Variants in ME3 observed in about 807,000 individuals in gnomAD.
ME3 encodes the protein NADP-dependent malic enzyme, mitochondrial.
ME3 carries 48 observed loss-of-function variants against 68.9 expected under a neutral mutation model. The observed-to-expected ratio is 0.70, with a 90% CI of 0.55 to 0.89. ME3 has a LOEUF of 0.89. Ranked by LOEUF, ME3 falls within the 40% of genes least tolerant of loss-of-function variation. The probability of loss-of-function intolerance (pLI) is 0.00; values close to 1 mark genes in which losing one functional copy is unlikely to be tolerated. For missense variants in ME3, 675 were observed against 797.4 expected, an observed-to-expected ratio of 0.85 and a Z score of 1.85; for synonymous variants, 320 against 318.8, an observed-to-expected ratio of 1.00 and a Z score of -0.04.
chr11:86,511,430 G>T (rs956280288), intron 4 of ME3, among the ~76,000 whole-genome samples: 3 of 152,038 alleles, frequency 2.0e-5, no homozygotes, highest in Non-Finnish European at 4.4e-5. Context: ...CTTTGAAACC[G>T]CCTTTGCAAA....
intron 2 of ME3, among the ~76,000 whole-genome samples, chr11:86,633,748 A>G (rs571840252): frequency 6.4e-4 from 98 of 152,336 alleles, no homozygotes; most frequent in African/African-American, 2.3e-3. Flanking sequence ...GAGTCTGTCC[A>G]TCAGATGCAA....
At chr11:86,521,662 A>G (rs1296121686) in intron 4 of ME3, among the ~76,000 whole-genome samples, 1 of 152,132 alleles carries the variant, frequency 6.6e-6, no homozygotes, top group Non-Finnish European at 1.5e-5. Flanking sequence ...GCAACCACAT[A>G]CTTTAGTTTC....
chr11:86,617,050 T>TTTG (rs1943014630), intron 2 of ME3, among the ~76,000 whole-genome samples: 1 of 53,632 alleles, frequency 1.9e-5, no homozygotes, highest in Non-Finnish European at 3.9e-5. Context: ...TAGTAGTTTT[T>TTTG]TTTTTTTTTT....
chr11:86,625,595 G>C (rs1277901800), intron 2 of ME3, among the ~76,000 whole-genome samples: 1 of 152,132 alleles, frequency 6.6e-6, no homozygotes, highest in African/African-American at 2.4e-5. Context: ...ATTCAACCAT[G>C]CAATAAATAT....
chr11:86,612,261 CA>C (rs2135202667), intron 2 of ME3, among the ~76,000 whole-genome samples: 1 of 152,348 alleles, frequency 6.6e-6, no homozygotes, highest in South Asian at 2.1e-4. Context: ...TTTATAGCCA[CA>C]TAGTATTCCA....
intron 2 of ME3, among the ~76,000 whole-genome samples, chr11:86,564,002 T>A (rs1188534201): frequency 6.6e-6 from 1 of 152,232 alleles, no homozygotes; most frequent in Non-Finnish European, 1.5e-5. Flanking sequence ...GGTAGCTTAA[T>A]AGGAATAGCA....
At chr11:86,653,517 G>A (rs1192350620) in intron 2 of ME3, among the ~76,000 whole-genome samples, 2 of 152,064 alleles carry the variant, frequency 1.3e-5, no homozygotes, top group Non-Finnish European at 2.9e-5. Flanking sequence ...ACAAAATGAA[G>A]GCAGAAATAA....
chr11:86,502,336 G>A (rs1952780738), intron 5 of ME3, among the ~76,000 whole-genome samples: 2 of 152,100 alleles, frequency 1.3e-5, no homozygotes, highest in African/African-American at 4.8e-5. Flanking sequence ...TCCCTTCCTT[G>A]TATTATAGTT....
At chr11:86,654,310 C>T (rs1284960183) in intron 2 of ME3, among the ~76,000 whole-genome samples, 1 of 152,180 alleles carries the variant, frequency 6.6e-6, no homozygotes, top group African/African-American at 2.4e-5. Context: ...GAATTTTAGA[C>T]CAATATCTTT....
chr11:86,612,917 G>A (rs1231486899), intron 2 of ME3, among the ~76,000 whole-genome samples: 1 of 152,126 alleles, frequency 6.6e-6, no homozygotes, highest in Non-Finnish European at 1.5e-5. Context: ...AGTTTAATTA[G>A]ATCCCATTTG....
intron 6 of ME3, among the ~76,000 whole-genome samples, chr11:86,493,506 C>T (rs79775570): frequency 0.049 from 7,480 of 152,310 alleles, 207 homozygotes; most frequent in South Asian, 0.096. Flanking sequence ...AGCCTCGTTT[C>T]CCATGTAAAA....
chr11:86,654,548 C>T (rs548876541), intron 2 of ME3, among the ~76,000 whole-genome samples: 19 of 152,186 alleles, frequency 1.2e-4, no homozygotes, highest in African/African-American at 4.1e-4. Context: ...ATTCAACAAC[C>T]CTTCATGCTG....
At chr11:86,660,931 G>C (rs1946234844) in intron 2 of ME3, among the ~76,000 whole-genome samples, 1 of 152,164 alleles carries the variant, frequency 6.6e-6, no homozygotes, top group Admixed American at 6.5e-5. Context: ...TGATCTAAAA[G>C]AGGGTCAGGT....
At chr11:86,441,813 G>A (rs577304137) in intron 14 of ME3, among the ~76,000 whole-genome samples, 102 of 151,688 alleles carry the variant, frequency 6.7e-4, no homozygotes, top group African/African-American at 2.5e-3. Context: ...AGAGGCAAAT[G>A]TGTCCAGAAC....
chr11:86,588,806 G>A (rs1367982327), intron 2 of ME3, among the ~76,000 whole-genome samples: 1 of 152,140 alleles, frequency 6.6e-6, no homozygotes, highest in African/African-American at 2.4e-5. Context: ...GTTTACTCAT[G>A]GGTGACAACA....
chr11:86,558,058 C>T (rs1957020552), intron 3 of ME3, among the ~76,000 whole-genome samples: 1 of 152,096 alleles, frequency 6.6e-6, no homozygotes, highest in African/African-American at 2.4e-5. Flanking sequence ...AGGGGCAAGC[C>T]CTCTAGAGCT....
intron 2 of ME3, among the ~76,000 whole-genome samples, chr11:86,621,286 G>A (rs911313819): frequency 5.9e-5 from 9 of 152,308 alleles, no homozygotes; most frequent in Non-Finnish European, 8.8e-5. Flanking sequence ...CCAGGCCTAA[G>A]GCCAGTAAGA....
chr11:86,595,477 TCCCAA>T (rs1959263339), intron 2 of ME3, among the ~76,000 whole-genome samples: 1 of 116,958 alleles, frequency 8.6e-6, no homozygotes, highest in East Asian at 5.2e-4. Context: ...CAGGATCTGA[TCCCAA>T]TTAGTCTGCC....
chr11:86,608,159 A>G (rs1405005307), intron 2 of ME3, among the ~76,000 whole-genome samples: 1 of 152,226 alleles, frequency 6.6e-6, no homozygotes, highest in African/African-American at 2.4e-5. Context: ...GAGACAGGGA[A>G]GGTTCCAAAC....
Sources: allele counts gnomAD v4.1 joint callset (sites outside exome capture counted in the v4.1 genomes callset), GRCh38; gene constraint gnomAD v4.1.1; transcripts MANE v1.5; gene names NCBI Gene and HGNC (gene_info 2026-07-23, HGNC 2026-07-21).